KATNBL1: variants seen among roughly 807,000 people sequenced by gnomAD.
KATNBL1 encodes KATNB1-like protein 1.
A neutral mutation model predicts 44.7 loss-of-function variants in KATNBL1; 28 were observed. The ratio of observed to expected loss-of-function variants is 0.63; its 90% CI spans 0.46 to 0.86. The LOEUF is 0.86. Ranked by LOEUF, KATNBL1 falls within the 40% of genes least tolerant of loss-of-function variation. The pLI, the probability that KATNBL1 is intolerant of heterozygous loss-of-function variation, is 0.00. For synonymous variants in KATNBL1, 78 were observed against 114.9 expected (o/e 0.68, Z 2.06); for missense variants, 272 against 350.7 (o/e 0.78, Z 1.79).
chr15:34,187,587 A>G (rs1279177165), intron 1 of KATNBL1, among the ~76,000 whole-genome samples: 2 of 152,160 alleles, frequency 1.3e-5, no homozygotes, highest in Admixed American at 6.6e-5. Flanking sequence ...CTTCCACCTA[A>G]CATAAATCAC....
rs543938435 is a variant in KATNBL1 at position 34,184,174 on chromosome 15, C to T, written c.-14-20484G>A. On this transcript the variant is annotated intron_variant, in intron 1 of 9. Transcript: ENST00000256544. ...CAAAAGAATTAGCCAGGCGTGGTGG[C>T]GGGCGCCTGTAGTCCCAGCTACTCG... Among the ~76,000 whole-genome samples, 590 of 152,008 alleles carry T rather than the reference C, an allele frequency of 3.9e-3. 6 individuals are homozygous for T. The highest frequency in any genetic ancestry group is 0.014 in the African/African-American group (571 of 41,436).
At chr15:34,193,437 G>C (rs1319643527) in intron 1 of KATNBL1, among the ~76,000 whole-genome samples, 2 of 151,328 alleles carry the variant, frequency 1.3e-5, no homozygotes, top group African/African-American at 2.4e-5. Context: ...AGGAGGCTGA[G>C]ACACAAGAAT....
intron 1 of KATNBL1, among the ~76,000 whole-genome samples, chr15:34,192,187 C>G (rs1889893042): frequency 7.1e-6 from 1 of 141,062 alleles, no homozygotes; most frequent in Non-Finnish European, 1.5e-5. Flanking sequence ...GGTGGATCAC[C>G]AGGTCAGGAG....
chr15:34,186,393 AC>A (rs1373063282), intron 1 of KATNBL1, among the ~76,000 whole-genome samples: 1 of 152,160 alleles, frequency 6.6e-6, no homozygotes, highest in Non-Finnish European at 1.5e-5. Context: ...GGCTACAGCC[AC>A]CCAAACTGCA....
chr15:34,145,467 T>C lies in KATNBL1; in HGVS notation c.813A>G (p.Gln271=). ...NDGNIQILKQ[Q]LSGLWEQENH... is the part of the protein sequence containing the mutation. ...TTTCCTGTTCCCATAATCCACTTAA[T>C]TGTTGTTTTAAAATTTGAATATTTC... is the stretch of plus-strand genomic sequence containing the variant. The change falls in exon 9 of 10, where the codon CAA becomes CAG. Residue 271 remains glutamine, a synonymous_variant. Transcript: ENST00000256544. The C allele has an allele frequency of 1.4e-6, 2 of 1,455,306 alleles. No individual in the cohort carries two copies. The highest frequency in any genetic ancestry group is 2.7e-5 in the East Asian group (1 of 36,898). 90.1% of individuals were successfully genotyped at this position (1,455,306 alleles called of 1,614,324 possible).
intron 1 of KATNBL1, among the ~76,000 whole-genome samples, chr15:34,181,288 T>C (rs1045344360): frequency 3.3e-5 from 5 of 152,130 alleles, no homozygotes; most frequent in African/African-American, 1.2e-4. Context: ...CATCATCCTA[T>C]CTTATTTTTA....
Position 34,147,238 on chromosome 15 carries a change from C to A in KATNBL1, c.660G>T (p.Leu220Phe). ...TTTTAAGTAGTGACTTTACTAGAGGCAACAAGTCAACACAGCAGCCAAGTG... is the reference window on the plus strand; with the variant it reads ...TTTTAAGTAGTGACTTTACTAGAGGAAACAAGTCAACACAGCAGCCAAGTG... The part of the protein sequence containing the change: ...YISLGCCVDL[L>F]PLVKSLLKSK... Residue 220 changes from leucine to phenylalanine, a missense_variant, in exon 7 of 10, where the codon TTG (leucine) becomes TTT (phenylalanine). Physicochemically the swap from Leu to Phe is conservative, Grantham distance 22. Transcript: ENST00000256544. 3 of 1,611,936 alleles carry A rather than the reference C, an allele frequency of 1.9e-6. No individual in the cohort carries two copies. Among genetic ancestry groups the A allele is most frequent in the Non-Finnish European group, 2.5e-6 (3 of 1,178,826 alleles).
At chr15:34,176,112 C>T (rs538924679) in intron 1 of KATNBL1, among the ~76,000 whole-genome samples, 8 of 152,066 alleles carry the variant, frequency 5.3e-5, no homozygotes, top group East Asian at 1.9e-4. Context: ...TGGTGGCTCA[C>T]GCCTGTAATA....
chr15:34,151,942 C>CTTTT (rs57229186), intron 4 of KATNBL1, among the ~76,000 whole-genome samples: 1 of 139,468 alleles, frequency 7.2e-6, no homozygotes, highest in Non-Finnish European at 1.6e-5. Flanking sequence ...CGGTGGTCCA[C>CTTTT]TTTTTTTTTT....
At chr15:34,163,365 T>G (rs1423469580) in intron 2 of KATNBL1, among the ~76,000 whole-genome samples, 195 bp downstream of exon 2, 1 of 152,112 alleles carries the variant, frequency 6.6e-6, no homozygotes, top group African/African-American at 2.4e-5. Flanking sequence ...CTTTTAGAGC[T>G]TATAGAAATA....
chr15:34,147,543 A>G (rs937355438), intron 5 of KATNBL1, 113 bp from the exon 6 acceptor site: 3 of 774,888 alleles, frequency 3.9e-6, no homozygotes, highest in Non-Finnish European at 6.3e-6. Context: ...CAATGTCAGT[A>G]TCTACAATGA....
chr15:34,142,750 TCAC>T (rs1888185472), intron 9 of KATNBL1: 44 of 257,660 alleles, frequency 1.7e-4, no homozygotes, highest in South Asian at 1.7e-3. Flanking sequence ...TCTTGCTCTG[TCAC>T]CAGGCTGAAG....
At chr15:34,146,934 AC>A in intron 7 of KATNBL1, 84 bp from the exon 8 acceptor site, 1 of 790,400 alleles carries the variant, frequency 1.3e-6, no homozygotes, top group Admixed American at 2.1e-5. Flanking sequence ...CTCCCAAAAA[AC>A]ACACACACAC....
At chr15:34,181,342 GA>G (rs1028509670) in intron 1 of KATNBL1, among the ~76,000 whole-genome samples, 1 of 151,628 alleles carries the variant, frequency 6.6e-6, no homozygotes, top group Non-Finnish European at 1.5e-5. Context: ...AGATTTCCAA[GA>G]AACATAGTTT....
chr15:34,209,559 T>G (rs1173697418), intron 1 of KATNBL1: 1 of 152,230 alleles, frequency 6.6e-6, no homozygotes, highest in Non-Finnish European at 1.5e-5. Flanking sequence ...AGGAAATGCC[T>G]GGGCCGGGCC....
chr15:34,169,686 T>C (rs1210348117), intron 1 of KATNBL1, among the ~76,000 whole-genome samples: 2 of 152,290 alleles, frequency 1.3e-5, no homozygotes, highest in East Asian at 3.9e-4. Flanking sequence ...TGCGAAAATC[T>C]TCAATAAAAT....
chr15:34,171,107 C>G (rs1018981528), intron 1 of KATNBL1, among the ~76,000 whole-genome samples: 2 of 152,266 alleles, frequency 1.3e-5, no homozygotes, highest in Admixed American at 1.3e-4. Flanking sequence ...AACTAAAGAG[C>G]TTCTGCACAG....
intron 1 of KATNBL1, among the ~76,000 whole-genome samples, chr15:34,188,159 A>G (rs897221160): frequency 1.3e-5 from 2 of 148,810 alleles, no homozygotes; most frequent in Non-Finnish European, 3.0e-5. Context: ...AAAAAAAAAA[A>G]AAAAAAGAAA....
rs138490065 is a variant in KATNBL1 at position 34,174,393 on chromosome 15, A to G, written c.-14-10703T>C. Reference sequence around the variant, plus strand: ...GGAGAAAGGCAAACAAAACAAAATAACAAACCAACAAATAAAACCAGGGAA... The same window carrying G: ...GGAGAAAGGCAAACAAAACAAAATAGCAAACCAACAAATAAAACCAGGGAA... On this transcript the variant is annotated intron_variant, in intron 1 of 9. Transcript: ENST00000256544. Among the ~76,000 whole-genome samples, 1,376 of 152,314 alleles carry G rather than the reference A, an allele frequency of 9.0e-3. 21 individuals carry two copies. Among genetic ancestry groups the G allele is most frequent in the African/African-American group, 0.031 (1,308 of 41,560 alleles).
Sources: allele counts gnomAD v4.1 joint callset (sites outside exome capture counted in the v4.1 genomes callset), GRCh38; gene constraint gnomAD v4.1.1; transcripts MANE v1.5; gene names NCBI Gene and HGNC (gene_info 2026-07-23, HGNC 2026-07-21).